MAGI2: variants seen among roughly 807,000 people sequenced by gnomAD.
MAGI2 encodes membrane-associated guanylate kinase, WW and PDZ domain-containing protein 2.
Under a neutral mutation model 133.3 loss-of-function variants are expected in MAGI2, and 35 were observed. The ratio of observed to expected loss-of-function variants is 0.26; its 90% confidence interval spans 0.20 to 0.35. The LOEUF is 0.35. Ranked by LOEUF, MAGI2 falls within the 10% of genes least tolerant of loss-of-function variation. The pLI, the probability that MAGI2 is intolerant of heterozygous loss-of-function variation, is 1.00. For missense variants in MAGI2, 1,636 were observed against 1,863.4 expected (o/e 0.88, Z 2.25); for synonymous variants, 729 against 710.6 (o/e 1.03, Z -0.41).
chr7:78,658,284 G>A, intron 2 of MAGI2, among the ~76,000 whole-genome samples: 2 of 119,744 alleles, frequency 1.7e-5, no homozygotes, highest in South Asian at 2.6e-4. Flanking sequence ...GCAAAAAGTG[G>A]TTTTTAAAAA....
At chr7:78,649,237 A>AAAAAAAAAAAG (rs1563294737) in intron 2 of MAGI2, among the ~76,000 whole-genome samples, 24 of 65,456 alleles carry the variant, frequency 3.7e-4, no homozygotes, top group East Asian at 6.4e-4. Flanking sequence ...AAAAAAAAAG[A>AAAAAAAAAAAG]AAAAAAAAGA....
Position 78,343,908 on chromosome 7 carries a change from G to A in MAGI2, c.1278C>T (p.Ser426=), listed in dbSNP as rs1346980745. The A allele has an allele frequency of 1.9e-6, 3 of 1,613,016 alleles. No individual in the cohort carries two copies. In the Admixed American group the frequency reaches 5.0e-5, roughly 27 times the overall value. Residue 426 remains serine (S), a synonymous_variant, in exon 9 of 22, where the codon AGC becomes AGT. Transcript: ENST00000354212. ...DASQLKGTFL[S]TTLKKSNMGF... ...CCATGTTGCTCTTTTTTAGGGTGGT[G>A]CTGAGGAATGTTCCCTTCAACTGGG...
At chr7:78,604,508 A>G (rs1805588876) in intron 3 of MAGI2, among the ~76,000 whole-genome samples, 1 of 152,218 alleles carries the variant, frequency 6.6e-6, no homozygotes, top group Non-Finnish European at 1.5e-5. Flanking sequence ...AATAAATGAA[A>G]TTCATTCACT....
At chr7:78,450,061 T>G (rs967757518) in intron 6 of MAGI2, among the ~76,000 whole-genome samples, 1 of 152,036 alleles carries the variant, frequency 6.6e-6, no homozygotes, top group African/African-American at 2.4e-5. Flanking sequence ...TAGAAGTCAA[T>G]GGAATTTTTT....
intron 10 of MAGI2, among the ~76,000 whole-genome samples, chr7:78,246,975 A>T (rs1208636006): frequency 6.6e-6 from 1 of 152,148 alleles, no homozygotes; most frequent in Non-Finnish European, 1.5e-5. Context: ...TCTGCCTCAG[A>T]GAGTAAACCT....
At chr7:78,292,796 T>A (rs1796853038) in intron 9 of MAGI2, among the ~76,000 whole-genome samples, 1 of 152,226 alleles carries the variant, frequency 6.6e-6, no homozygotes, top group African/African-American at 2.4e-5. Context: ...TACAACCATC[T>A]GATCTTTGAC....
rs999545232 is a variant in MAGI2, at chr7:79,111,926, G to T, written c.302-104720C>A. Among the ~76,000 whole-genome samples the T allele has an allele frequency of 1.1e-4, 17 of 151,880 alleles. No individual in the cohort carries two copies. The South Asian group carries it at 3.5e-3, about 32-fold the overall frequency. ...TCGTGATCCGCCCCTCTCGGCCTCC[G>T]AAAGTGCTGGGATTACAGGTGTGAG... On this transcript the variant is annotated intron_variant, in intron 1 of 21. Transcript: ENST00000354212.
chr7:78,162,247 G>A (rs1825097770), intron 15 of MAGI2, among the ~76,000 whole-genome samples: 1 of 151,890 alleles, frequency 6.6e-6, no homozygotes, highest in Non-Finnish European at 1.5e-5. Context: ...CAAGAAAGAA[G>A]AAGCGCGGTG....
intron 1 of MAGI2, among the ~76,000 whole-genome samples, chr7:79,090,401 C>G (rs1013633961): frequency 6.6e-6 from 1 of 152,054 alleles, no homozygotes; most frequent in African/African-American, 2.4e-5. Context: ...GGTAGTGACA[C>G]TATTCTTCAA....
At chr7:78,407,664 T>C (rs1445568594) in intron 6 of MAGI2, among the ~76,000 whole-genome samples, 1 of 151,892 alleles carries the variant, frequency 6.6e-6, no homozygotes, top group Non-Finnish European at 1.5e-5. Flanking sequence ...CTTTTTTTTT[T>C]TTTTTAAATT....
At chr7:78,967,624 AT>A in intron 2 of MAGI2, among the ~76,000 whole-genome samples, 1 of 117,376 alleles carries the variant, frequency 8.5e-6, no homozygotes, top group African/African-American at 4.4e-5. Flanking sequence ...TTTTTTTTTT[AT>A]ATATATATAG....
intron 2 of MAGI2, among the ~76,000 whole-genome samples, chr7:78,819,096 A>G (rs1332509386): frequency 6.6e-6 from 1 of 152,142 alleles, no homozygotes; most frequent in East Asian, 1.9e-4. Context: ...AGATCTAGCC[A>G]AGCCACCAGA....
chr7:78,195,007 G>A lies in MAGI2; in HGVS notation c.2136C>T (p.Ala712=). The change falls in exon 12 of 22, where the codon GCC becomes GCT. Residue 712 remains alanine, a synonymous_variant. Transcript: ENST00000354212. ...GSPQTSLSAP[A]IPQNLPFPPA... ...GTGGGAAGGGCAGGTTCTGCGGTAT[G>A]GCCGGAGCAGATAAACTCGTTTGAG... 2 of 1,613,952 alleles carry A rather than the reference G, an allele frequency of 1.2e-6. No homozygotes were observed. The highest frequency in any genetic ancestry group is 8.5e-7 in the Non-Finnish European group (1 of 1,179,906).
At chr7:78,131,328 G>C (rs1000153328) in intron 18 of MAGI2, among the ~76,000 whole-genome samples, 2 of 152,252 alleles carry the variant, frequency 1.3e-5, no homozygotes, top group South Asian at 4.1e-4. Context: ...AAGCAGCTGA[G>C]GACAATCAGA....
At chr7:79,156,994 T>C (rs1254730950) in intron 1 of MAGI2, among the ~76,000 whole-genome samples, 2 of 152,028 alleles carry the variant, frequency 1.3e-5, no homozygotes, top group Non-Finnish European at 2.9e-5. Flanking sequence ...TGGAACTCCC[T>C]TCGGTTGACA....
intron 2 of MAGI2, among the ~76,000 whole-genome samples, chr7:78,818,688 G>A (rs184080046): frequency 1.1e-3 from 161 of 152,176 alleles, no homozygotes; most frequent in African/African-American, 3.8e-3. Flanking sequence ...ATGTTCCCTC[G>A]TTGGGCAAGA....
intron 2 of MAGI2, among the ~76,000 whole-genome samples, chr7:78,822,577 A>G (rs908667865): frequency 1.1e-4 from 17 of 152,066 alleles, no homozygotes; most frequent in African/African-American, 4.1e-4. Flanking sequence ...AACAGTTTTA[A>G]AAGACATTTT....
chr7:78,908,632 T>G (rs1052611010), intron 2 of MAGI2, among the ~76,000 whole-genome samples: 2 of 152,142 alleles, frequency 1.3e-5, no homozygotes, highest in African/African-American at 2.4e-5. Flanking sequence ...CCAAATCAAC[T>G]GAGAAAGAAA....
chr7:78,578,723 G>A (rs940757919), intron 3 of MAGI2, among the ~76,000 whole-genome samples: 2 of 152,146 alleles, frequency 1.3e-5, no homozygotes, highest in Non-Finnish European at 2.9e-5. Flanking sequence ...CTGTGGATGT[G>A]AGTGTGTTAA....
Sources: allele counts gnomAD v4.1 joint callset (sites outside exome capture counted in the v4.1 genomes callset), GRCh38; gene constraint gnomAD v4.1.1; transcripts MANE v1.5; gene names NCBI Gene and HGNC (gene_info 2026-07-23, HGNC 2026-07-21).